The following CCZ1 variants were observed in gnomAD, a reference collection of about 807,000 sequenced individuals.
CCZ1 encodes the protein CCZ1 vacuolar protein trafficking and biogenesis associated, also known as vacuolar fusion protein CCZ1 homolog.
In CCZ1, 19 loss-of-function variants were observed where a neutral mutation model predicts 57.8. The observed-to-expected ratio is 0.33, with a 90% CI of 0.23 to 0.48. CCZ1 has a LOEUF of 0.48. Ranked by LOEUF, CCZ1 falls within the 20% of genes least tolerant of loss-of-function variation. The probability of loss-of-function intolerance (pLI) is 0.99; values close to 1 mark genes in which losing one functional copy is unlikely to be tolerated. For synonymous variants in CCZ1, 81 were observed against 167.0 expected, an observed-to-expected ratio of 0.49 and a Z score of 3.97; for missense variants, 200 against 492.0, an observed-to-expected ratio of 0.41 and a Z score of 5.61.
intron 5 of CCZ1, chr7:5,902,099 G>C (rs541735418): frequency 4.5e-4 from 93 of 205,412 alleles, no homozygotes; most frequent in African/African-American, 2.1e-3. Context: ...TTCAGGACCA[G>C]TCTGGGCAAT....
intron 11 of CCZ1, 60 bp from the exon 12 acceptor site, chr7:5,919,789 G>T (rs1159216479): frequency 6.2e-7 from 1 of 1,611,600 alleles, no homozygotes; most frequent in African/African-American, 1.3e-5. Context: ...TTTGAATACT[G>T]TTGTTCAGCG....
rs1171280179 is a variant in CCZ1 at position 5,911,179 on chromosome 7, T to G, written c.781-682T>G. Among the ~76,000 whole-genome samples, 2 of 149,212 alleles carry G rather than the reference T, an allele frequency of 1.3e-5. 1 individual carries two copies. Among genetic ancestry groups the G allele is most frequent in the African/African-American group, 5.0e-5 (2 of 40,318 alleles). The stretch of plus-strand genomic sequence containing the variant: ...TTAGTGCCTACCCGGCTTTCCACTC[T>G]AGTACTTAATTTCCCGGTTTCCTGC... On this transcript the variant is annotated intron_variant, in intron 8 of 14. Coordinates refer to ENST00000325974, the MANE Select transcript of CCZ1 (RefSeq NM_015622.6).
At chr7:5,922,843 C>G (rs563190457) in intron 12 of CCZ1, among the ~76,000 whole-genome samples, 272 of 149,190 alleles carry the variant, frequency 1.8e-3, no homozygotes, top group African/African-American at 6.5e-3. Context: ...CGAGGTGTTA[C>G]TCTCCTCAAG....
chr7:5,905,237 C>T lies in CCZ1; in HGVS notation c.666C>T (p.Tyr222=), dbSNP rs1420343324. 4.5e-6 allele frequency: 7 copies of T among 1,546,754 alleles called. No individual in the cohort carries two copies. Among genetic ancestry groups the T allele is most frequent in the Non-Finnish European group, 6.1e-6 (7 of 1,142,416 alleles). ...AGGAAAGCCTGAATATAGTCAAATA[C>T]ACTGCTTTTCTCTATAACGATCAGC... ...RMEESLNIVK[Y]TAFLYNDQLI... Residue 222 remains tyrosine, a synonymous_variant, in exon 7 of 15, where the codon TAC becomes TAT. Coordinates refer to ENST00000325974, the MANE Select transcript of CCZ1 (RefSeq NM_015622.6).
chr7:5,905,194 C>G lies in CCZ1; in HGVS notation c.623C>G (p.Ser208Cys). The part of the protein sequence containing the change: ...LDKMTYLKIQ[S>C]FINRMEESLN... Reference sequence around the variant, plus strand: ...AAAATGACTTATTTGAAAATCCAGTCCTTTATTAATAGAATGGAGGAAAGC... The same window carrying G: ...AAAATGACTTATTTGAAAATCCAGTGCTTTATTAATAGAATGGAGGAAAGC... The change falls in exon 7 of 15, where the codon TCC becomes TGC. Residue 208 changes from serine to cysteine, a missense_variant. Around this residue, in one of 5 missense-constraint regions of CCZ1, gnomAD observed 128 missense variants for 178.4 expected, o/e 0.72. Coordinates refer to ENST00000325974, the MANE Select transcript of CCZ1 (RefSeq NM_015622.6). 1 of 1,567,458 alleles carries G rather than the reference C, an allele frequency of 6.4e-7. No homozygotes were observed. Among genetic ancestry groups the G allele is most frequent in the Non-Finnish European group, 8.7e-7 (1 of 1,155,510 alleles).
chr7:5,912,629 A>G (rs1779062638), intron 9 of CCZ1, among the ~76,000 whole-genome samples: 1 of 150,178 alleles, frequency 6.7e-6, no homozygotes, highest in Admixed American at 6.6e-5. Flanking sequence ...TGAACTCCTG[A>G]CTTCAGGTGA....
intron 10 of CCZ1, 49 bp downstream of exon 10, chr7:5,913,003 T>G: frequency 6.2e-7 from 1 of 1,607,394 alleles, no homozygotes; most frequent in Non-Finnish European, 8.5e-7. Context: ...GAAGTGGATC[T>G]TTCTTGCATG....
At chr7:5,904,428 A>G (rs1346828740) in intron 6 of CCZ1, among the ~76,000 whole-genome samples, 3 of 146,452 alleles carry the variant, frequency 2.0e-5, no homozygotes, top group Non-Finnish European at 4.4e-5. Context: ...ACAGTGGCTC[A>G]TGCCTGTATT....
At chr7:5,913,078 A>G (rs1425056211) in intron 10 of CCZ1, 124 bp downstream of exon 10, 14 of 728,222 alleles carry the variant, frequency 1.9e-5, no homozygotes, top group Non-Finnish European at 2.9e-5. Context: ...AGTTCTGATT[A>G]TGGTAAAACT....
At position 5,910,026 on chromosome 7, in the gene CCZ1, T is replaced by C; in HGVS notation, c.699-9T>C. On this transcript the variant is annotated splice_polypyrimidine_tract_variant and intron_variant, in intron 7 of 14. Transcript: ENST00000325974. The stretch of plus-strand genomic sequence containing the variant: ...AAACGTTTAACCCAGTGCTTTTCTG[T>C]TGTTGCAGGAGTGGATTAGAACAAG... The C allele has an allele frequency of 1.9e-6, 3 of 1,602,458 alleles. No homozygotes were observed. Among genetic ancestry groups the C allele is most frequent in the Non-Finnish European group, 2.6e-6 (3 of 1,172,036 alleles).
intron 7 of CCZ1, among the ~76,000 whole-genome samples, chr7:5,908,498 T>G (rs1354011804): frequency 6.7e-6 from 1 of 148,164 alleles, no homozygotes; most frequent in Non-Finnish European, 1.5e-5. Context: ...CATGCCTCAG[T>G]CTCCCAAGTA....
chr7:5,901,620 T>C, intron 4 of CCZ1, 37 bp from the exon 5 acceptor site: 1 of 1,579,776 alleles, frequency 6.3e-7, no homozygotes, highest in East Asian at 2.5e-5. Flanking sequence ...TGTTTTTCCC[T>C]TGAACTGAGC....
At position 5,910,548 on chromosome 7, in the gene CCZ1, G is replaced by A. The variant is rs529396781; in HGVS notation, c.780+432G>A. Reference sequence around the variant, plus strand: ...TCACTATGTTGGCCAGGCTGGTCTCGAACTCCTGACCTTGTGATCTGCCCA... The same window carrying A: ...TCACTATGTTGGCCAGGCTGGTCTCAAACTCCTGACCTTGTGATCTGCCCA... On this transcript the variant is annotated intron_variant, in intron 8 of 14. Transcript: ENST00000325974. Among the ~76,000 whole-genome samples, 124 of 145,468 alleles carry A rather than the reference G, an allele frequency of 8.5e-4. 3 individuals carry two copies. The highest frequency in any genetic ancestry group is 3.0e-3 in the African/African-American group (118 of 39,838).
intron 6 of CCZ1, 110 bp from the exon 7 acceptor site, chr7:5,904,984 T>C (rs1781769640): frequency 2.4e-6 from 3 of 1,250,326 alleles, no homozygotes; most frequent in East Asian, 3.1e-5. Flanking sequence ...TTTGCTAGTA[T>C]GTAATTGTAC....
chr7:5,899,539 C>CTT (rs1246225463), intron 1 of CCZ1, among the ~76,000 whole-genome samples: 2 of 130,270 alleles, frequency 1.5e-5, no homozygotes, highest in African/African-American at 5.8e-5. Context: ...GGGAGGATTG[C>CTT]TTGAGGCCAG....
Position 5,912,111 on chromosome 7 carries a change from T to G in CCZ1, c.842+189T>G, listed in dbSNP as rs145988770. 1.3e-3 allele frequency among the ~76,000 whole-genome samples: 190 copies of G among 141,706 alleles called. 3 individuals carry two copies. Among genetic ancestry groups the G allele is most frequent in the African/African-American group, 4.4e-3 (176 of 39,942 alleles). 93.0% of individuals were successfully genotyped at this position (141,706 alleles called of 152,430 possible). On this transcript the variant is annotated intron_variant, in intron 9 of 14. Coordinates refer to ENST00000325974, the MANE Select transcript of CCZ1 (RefSeq NM_015622.6). ...CTGGAACTACAGGCATGAGCCACTATGCCTGGGTAATTCATTTTGTATTTT... is the reference window on the plus strand; with the variant it reads ...CTGGAACTACAGGCATGAGCCACTAGGCCTGGGTAATTCATTTTGTATTTT...
In CCZ1 at chr7:5,902,408, C is replaced by A. The variant is rs201170310; in HGVS notation, c.439-253C>A. ...ATATTATGTATGTAAATTGAAACTT[C>A]AGGGTAAGTTGAAATTTTTGAAAGA... On this transcript the variant is annotated intron_variant, in intron 5 of 14. Transcript: ENST00000325974. The A allele has an allele frequency of 2.7e-3, 1,175 of 430,756 alleles. 25 individuals are homozygous for A. Among genetic ancestry groups the A allele is most frequent in the South Asian group, 6.5e-3 (112 of 17,212 alleles). 26.7% of individuals were successfully genotyped at this position (430,756 alleles called of 1,614,324 possible).
At chr7:5,903,368 C>T (rs1252567054) in intron 6 of CCZ1, among the ~76,000 whole-genome samples, 2 of 145,116 alleles carry the variant, frequency 1.4e-5, no homozygotes, top group African/African-American at 2.6e-5. Flanking sequence ...ATCTTCCCTC[C>T]TTGGCCTCCC....
chr7:5,911,612 C>A (rs1014921041), intron 8 of CCZ1, among the ~76,000 whole-genome samples: 4 of 148,888 alleles, frequency 2.7e-5, no homozygotes, highest in Non-Finnish European at 5.9e-5. Context: ...TAAAAACTAG[C>A]CAGGTTTGGT....
Sources: allele counts gnomAD v4.1 joint callset (sites outside exome capture counted in the v4.1 genomes callset), GRCh38; gene constraint gnomAD v4.1.1; regional missense constraint gnomAD v4.1.1; transcripts MANE v1.5; gene names NCBI Gene and HGNC (gene_info 2026-07-23, HGNC 2026-07-21).